Variants in ATG5 observed in about 807,000 individuals in gnomAD.
ATG5 encodes autophagy related 5.
ATG5 carries 14 observed loss-of-function variants against 36.5 expected under a neutral mutation model. The ratio of observed to expected loss-of-function variants is 0.38; its 90% CI spans 0.25 to 0.60. The LOEUF is 0.60. Among genes scored for constraint, ATG5 ranks in the 20% least tolerant of loss-of-function variants. The pLI, the probability that ATG5 is intolerant of heterozygous loss-of-function variation, is 0.60. For synonymous variants in ATG5, 95 were observed against 101.5 expected, an observed-to-expected ratio of 0.94 and a Z score of 0.38; for missense variants, 195 against 326.7, an observed-to-expected ratio of 0.60 and a Z score of 3.11.
chr6:106,189,166 ACT>A (rs1185015690), intron 7 of ATG5, among the ~76,000 whole-genome samples: 3 of 152,180 alleles, frequency 2.0e-5, no homozygotes, highest in African/African-American at 4.8e-5. Flanking sequence ...ATGGAGAATA[ACT>A]CTACCCGTAA....
At chr6:106,224,453 G>C (rs1462845852) in intron 6 of ATG5, among the ~76,000 whole-genome samples, 3 of 152,196 alleles carry the variant, frequency 2.0e-5, no homozygotes, top group Non-Finnish European at 4.4e-5. Context: ...TATTGACCTG[G>C]TAACTTGAAG....
intron 3 of ATG5, among the ~76,000 whole-genome samples, chr6:106,302,475 T>C (rs1770257820): frequency 6.6e-6 from 1 of 151,964 alleles, no homozygotes; most frequent in South Asian, 2.1e-4. Flanking sequence ...CTGGGGAAGA[T>C]AAACTAAAAG....
intron 4 of ATG5, among the ~76,000 whole-genome samples, chr6:106,289,393 G>A (rs921663462): frequency 1.3e-5 from 2 of 150,296 alleles, no homozygotes; most frequent in African/African-American, 4.9e-5. Context: ...ATGGAACTTA[G>A]TATATACAGA....
At chr6:106,212,640 T>C (rs1776901197) in intron 6 of ATG5, among the ~76,000 whole-genome samples, 1 of 152,280 alleles carries the variant, frequency 6.6e-6, no homozygotes, top group African/African-American at 2.4e-5. Context: ...CGAGACTCCG[T>C]ATATTAAACA....
At chr6:106,304,024 T>A (rs1023035973) in intron 3 of ATG5, among the ~76,000 whole-genome samples, 2 of 147,494 alleles carry the variant, frequency 1.4e-5, no homozygotes, top group Non-Finnish European at 3.0e-5. Flanking sequence ...ATTGGAAAAA[T>A]TATATAATTT....
intron 6 of ATG5, among the ~76,000 whole-genome samples, chr6:106,226,809 T>C (rs1050133971): frequency 1.3e-5 from 2 of 152,094 alleles, no homozygotes; most frequent in Non-Finnish European, 2.9e-5. Flanking sequence ...ACAAAAATTC[T>C]GGAGTTGAAA....
At chr6:106,325,363 C>CA (rs1771249090) in intron 1 of ATG5, 163 bp downstream of exon 1, 1 of 152,678 alleles carries the variant, frequency 6.5e-6, no homozygotes, top group Admixed American at 6.5e-5. Flanking sequence ...GGCGTCTCGC[C>CA]AACTCCACCT....
chr6:106,247,367 T>G (rs995841008), intron 6 of ATG5, among the ~76,000 whole-genome samples: 1 of 152,216 alleles, frequency 6.6e-6, no homozygotes, highest in African/African-American at 2.4e-5. Context: ...ATGCCAGCAC[T>G]TTTAAAGTAC....
At chr6:106,279,168 G>T (rs1376543644) in intron 5 of ATG5, among the ~76,000 whole-genome samples, 1 of 152,184 alleles carries the variant, frequency 6.6e-6, no homozygotes, top group Non-Finnish European at 1.5e-5. Context: ...ATACAGAGAT[G>T]AGCACCACAT....
chr6:106,309,094 T>C (rs1770553256), intron 2 of ATG5, among the ~76,000 whole-genome samples: 1 of 152,160 alleles, frequency 6.6e-6, no homozygotes, highest in African/African-American at 2.4e-5. Context: ...AACCGACAAG[T>C]AGATAAAAGA....
chr6:106,306,807 T>G (rs887137628), intron 3 of ATG5, among the ~76,000 whole-genome samples: 5 of 151,738 alleles, frequency 3.3e-5, no homozygotes, highest in African/African-American at 9.8e-5. Context: ...TGTTTACACT[T>G]CCTTTAAGTC....
At chr6:106,284,451 G>C (rs1457584132) in intron 4 of ATG5, among the ~76,000 whole-genome samples, 2 of 152,156 alleles carry the variant, frequency 1.3e-5, no homozygotes, top group African/African-American at 4.8e-5. Context: ...CCAGGCTCAA[G>C]AGATCCTCAC....
chr6:106,298,441 C>T (rs1446778090), intron 3 of ATG5, among the ~76,000 whole-genome samples: 1 of 151,982 alleles, frequency 6.6e-6, no homozygotes, highest in Non-Finnish European at 1.5e-5. Flanking sequence ...GTCCCAGCTA[C>T]TTGGGAGGCT....
intron 5 of ATG5, among the ~76,000 whole-genome samples, chr6:106,255,538 A>G (rs1197591413): frequency 2.0e-5 from 3 of 152,198 alleles, no homozygotes; most frequent in Non-Finnish European, 4.4e-5. Flanking sequence ...TGTAAGTTAC[A>G]ACATCTTTAA....
intron 6 of ATG5, among the ~76,000 whole-genome samples, chr6:106,205,756 G>A (rs1776606777): frequency 6.6e-6 from 1 of 152,144 alleles, no homozygotes; most frequent in South Asian, 2.1e-4. Flanking sequence ...CTTTTATGAT[G>A]AGGTATTTGC....
intron 6 of ATG5, among the ~76,000 whole-genome samples, chr6:106,244,779 T>A (rs1212335134): frequency 6.6e-6 from 1 of 152,254 alleles, no homozygotes; most frequent in Non-Finnish European, 1.5e-5. Flanking sequence ...CAGGCAAATA[T>A]GTGTGTAAAT....
chr6:106,278,611 G>T (rs1779751849), intron 5 of ATG5, among the ~76,000 whole-genome samples: 2 of 152,138 alleles, frequency 1.3e-5, no homozygotes, highest in Admixed American at 1.3e-4. Flanking sequence ...TCCAAAGTCA[G>T]CTATTGCTTC....
chr6:106,235,484 C>A (rs55655549), intron 6 of ATG5, among the ~76,000 whole-genome samples: 9,579 of 152,162 alleles, frequency 0.063, 468 homozygotes, highest in Non-Finnish European at 0.094. Context: ...AGTGGGGGGA[C>A]TGAGAGACAG....
At chr6:106,287,353 T>C (rs542029486) in intron 4 of ATG5, among the ~76,000 whole-genome samples, 1 of 152,358 alleles carries the variant, frequency 6.6e-6, no homozygotes, top group Admixed American at 6.5e-5. Flanking sequence ...TGCAGGGCTT[T>C]TTCAAGCATG....
Sources: allele counts gnomAD v4.1 joint callset (sites outside exome capture counted in the v4.1 genomes callset), GRCh38; gene constraint gnomAD v4.1.1; transcripts MANE v1.5; gene names NCBI Gene and HGNC (gene_info 2026-07-23, HGNC 2026-07-21).